SLC15A3: variants seen among roughly 807,000 people sequenced by gnomAD.
SLC15A3 encodes solute carrier family 15 member 3.
SLC15A3 carries 39 observed loss-of-function variants against 49.2 expected under a neutral mutation model. That is an observed-to-expected ratio of 0.79 (90% confidence interval 0.61 to 1.04). The LOEUF is 1.04. Ranked by LOEUF, SLC15A3 falls within the 50% of genes least tolerant of loss-of-function variation. The pLI is 0.00. For synonymous variants in SLC15A3, 339 were observed against 367.0 expected (o/e 0.92, Z 0.87); for missense variants, 758 against 794.8 (o/e 0.95, Z 0.56).
Position 60,937,217 on chromosome 11 carries a change from G to T in SLC15A3, c.*2C>A. 6.2e-7 allele frequency: 1 copy of T among 1,613,688 alleles called. No individual in the cohort carries two copies. The highest frequency in any genetic ancestry group is 8.5e-7 in the Non-Finnish European group (1 of 1,179,790). On this transcript the variant is annotated 3_prime_UTR_variant, in exon 8 of 8. Transcript: ENST00000227880. ...AAGCAAGGGGGCTGGAATAGGGCCT[G>T]TTCAGCCCCTGTCCCTGCTGAAACG...
In SLC15A3 at chr11:60,941,228, C is replaced by T; in HGVS notation, c.1170G>A (p.Lys390=). The T allele has an allele frequency of 6.2e-7, 1 of 1,614,142 alleles. No individual in the cohort carries two copies. The highest frequency in any genetic ancestry group is 1.1e-5 in the South Asian group (1 of 91,054). Residue 390 remains lysine, a synonymous_variant, in exon 5 of 8, where the codon AAG becomes AAA. Transcript: ENST00000227880. ...GCAGTAAAGGGTCGATCAAGCGGTCCTTCAGAGGGACCAGAATCAGCACCA... is the reference window on the plus strand; with the variant it reads ...GCAGTAAAGGGTCGATCAAGCGGTCTTTCAGAGGGACCAGAATCAGCACCA... The part of the protein sequence containing the change: ...VVVVLILVPL[K]DRLIDPLLLR...
chr11:60,951,158 C>A lies in SLC15A3; in HGVS notation c.394G>T (p.Gly132Ter). ...CCCAGCGGCGACGCGGGCATCTCTC[C>A]GCAGAAGGAGCTGCGGCCGTCGGGG... ...AFPDGRSSFC[G>*]EMPASPLGPA... The change falls in exon 1 of 8, where the codon GGA (glycine) becomes TGA (stop). Residue 132 changes from glycine to a stop codon, truncating the protein, a stop_gained. Transcript: ENST00000227880. LOFTEE classifies it high-confidence loss of function. 3 of 1,491,970 alleles carry A rather than the reference C, an allele frequency of 2.0e-6. No individual in the cohort carries two copies. The highest frequency in any genetic ancestry group is 2.7e-6 in the Non-Finnish European group (3 of 1,129,632). 92.4% of individuals were successfully genotyped at this position (1,491,970 alleles called of 1,614,324 possible).
chr11:60,951,678 G>T lies in SLC15A3; in HGVS notation c.-127C>A. 1.5e-6 allele frequency: 1 copy of T among 688,402 alleles called. No homozygotes were observed. Among genetic ancestry groups the T allele is most frequent in the Non-Finnish European group, 1.8e-6 (1 of 567,386 alleles). The allele number at this position is 688,402 out of a possible 1,614,324, so 42.6% of individuals were successfully genotyped here. A position where few individuals can be genotyped will look rare whatever the true frequency, so the allele number is the denominator to read the frequency against. ...AACTGGCTGGCCCTCCTTTCTCACC[G>T]CTTTGGCCCACCCTTCCCTCCTGTC... On this transcript the variant is annotated 5_prime_UTR_variant, in exon 1 of 8. Transcript: ENST00000227880.
At chr11:60,945,240 A>G (rs2134934022) in intron 2 of SLC15A3, among the ~76,000 whole-genome samples, 1 of 152,336 alleles carries the variant, frequency 6.6e-6, no homozygotes. Context: ...GTAAGACCAC[A>G]CGAATGGGAA....
At chr11:60,947,546 G>A (rs564224968) in intron 1 of SLC15A3, among the ~76,000 whole-genome samples, 44 of 152,250 alleles carry the variant, frequency 2.9e-4, no homozygotes, top group African/African-American at 1.0e-3. Flanking sequence ...TATTAAAAAT[G>A]TTGTATGCAT....
Position 60,951,255 on chromosome 11 carries a change from G to A in SLC15A3, c.297C>T (p.Gly99=), listed in dbSNP as rs2134946411. 6.6e-7 allele frequency: 1 copy of A among 1,514,880 alleles called. No homozygotes were observed. 93.8% of individuals were successfully genotyped at this position (1,514,880 alleles called of 1,614,324 possible). Residue 99 remains glycine, a synonymous_variant, in exon 1 of 8, where the codon GGC becomes GGT. Coordinates refer to ENST00000227880, the MANE Select transcript of SLC15A3 (RefSeq NM_016582.3). The stretch of plus-strand genomic sequence containing the variant: ...GGCTGAGCGCGACCGCGCGGTAGCG[G>A]CCCAGGTACACGTCGGCCAGCCAGC... ...VGGWLADVYL[G]RYRAVALSLL...
Position 60,941,191 on chromosome 11 carries a change from G to T in SLC15A3, c.1207C>A (p.Leu403Met), listed in dbSNP as rs1281896330. Residue 403 changes from leucine (L) to methionine (M), a missense_variant, in exon 5 of 8, where the codon CTG becomes ATG. Leu to Met is a conservative substitution (Grantham distance 15). Coordinates refer to ENST00000227880, the MANE Select transcript of SLC15A3 (RefSeq NM_016582.3). The part of the protein sequence containing the change: ...LIDPLLLRCK[L>M]LPSALQKMAL... ...ATCTTCTGCAGAGCAGAGGGAAGCA[G>T]CTTGCACCGCAGCAGTAAAGGGTCG... The T allele has an allele frequency of 6.2e-7, 1 of 1,614,180 alleles. No individual in the cohort carries two copies. Among genetic ancestry groups the T allele is most frequent in the African/African-American group, 1.3e-5 (1 of 75,070 alleles).
intron 2 of SLC15A3, 51 bp downstream of exon 2, chr11:60,946,481 C>A: frequency 6.6e-7 from 1 of 1,513,626 alleles, no homozygotes; most frequent in Non-Finnish European, 8.8e-7. Flanking sequence ...CGGGAGCGAT[C>A]CAGCGCTTCT....
intron 1 of SLC15A3, among the ~76,000 whole-genome samples, chr11:60,949,893 T>C (rs771274632): frequency 1.9e-4 from 29 of 152,368 alleles, no homozygotes; most frequent in Non-Finnish European, 2.8e-4. Context: ...TATGCAGTCC[T>C]GCCTCCTGCT....
At chr11:60,943,657 G>T in intron 3 of SLC15A3, 32 bp downstream of exon 3, 1 of 1,481,894 alleles carries the variant, frequency 6.7e-7, no homozygotes, top group Non-Finnish European at 9.0e-7. Flanking sequence ...TGGGGAGCCA[G>T]GCCCCCAGAG....
At chr11:60,950,189 G>A (rs901594148) in intron 1 of SLC15A3, among the ~76,000 whole-genome samples, 8 of 152,220 alleles carry the variant, frequency 5.3e-5, no homozygotes, top group African/African-American at 1.9e-4. Flanking sequence ...GCAGAGCTGG[G>A]ATCTGAGCAA....
chr11:60,941,745 A>G, intron 4 of SLC15A3: 2 of 391,320 alleles, frequency 5.1e-6, no homozygotes, highest in Non-Finnish European at 4.7e-6. Context: ...AGAGTTGAAA[A>G]GGGACCTAAG....
At chr11:60,939,673 C>A in intron 5 of SLC15A3, 35 bp from the exon 6 acceptor site, 1 of 1,608,198 alleles carries the variant, frequency 6.2e-7, no homozygotes. Flanking sequence ...ATAGTCAGGC[C>A]CACCCCAGGC....
In SLC15A3 at chr11:60,951,661, G is replaced by A; in HGVS notation, c.-110C>T. ...GGCCCTCTCCCCCACCCAACTGGCT[G>A]GCCCTCCTTTCTCACCGCTTTGGCC... On this transcript the variant is annotated 5_prime_UTR_variant, in exon 1 of 8. Coordinates refer to ENST00000227880, the MANE Select transcript of SLC15A3 (RefSeq NM_016582.3). The A allele has an allele frequency of 1.2e-6, 1 of 869,220 alleles. No homozygotes were observed. The highest frequency in any genetic ancestry group is 1.4e-6 in the Non-Finnish European group (1 of 720,912). The allele number at this position is 869,220 out of a possible 1,614,324, so 53.8% of individuals were successfully genotyped here.
In SLC15A3 at chr11:60,951,180, G is replaced by A; in HGVS notation, c.372C>T (p.Pro124=). The change falls in exon 1 of 8, where the codon CCC becomes CCT. Residue 124 remains proline (P), a synonymous_variant. Transcript: ENST00000227880. ...ASGLLPATAF[P]DGRSSFCGEM... is the part of the protein sequence containing the mutation. ...CTCCGCAGAAGGAGCTGCGGCCGTC[G>A]GGGAAGGCGGTGGCGGGCAGCAGGC... is the stretch of plus-strand genomic sequence containing the variant. 2 of 1,496,032 alleles carry A rather than the reference G, an allele frequency of 1.3e-6. No individual in the cohort carries two copies. The highest frequency in any genetic ancestry group is 1.3e-5 in the South Asian group (1 of 79,658). 92.7% of individuals were successfully genotyped at this position (1,496,032 alleles called of 1,614,324 possible).
rs1270483223 is a variant in SLC15A3 at position 60,939,610 on chromosome 11, G to A, written c.1305C>T (p.Tyr435=). The A allele has an allele frequency of 6.2e-7, 1 of 1,614,206 alleles. No individual in the cohort carries two copies. The highest frequency in any genetic ancestry group is 8.5e-7 in the Non-Finnish European group (1 of 1,180,024). ...AGVLEMERLH[Y]IHHNETVSQQ... ...GGGACACGGTCTCGTTGTGGTGGAT[G>A]TAGTGTAAGCGCTCCATCTCCAGGA... The change falls in exon 6 of 8, where the codon TAC becomes TAT. Residue 435 remains tyrosine, a synonymous_variant. Coordinates refer to ENST00000227880, the MANE Select transcript of SLC15A3 (RefSeq NM_016582.3).
chr11:60,943,535 C>T, intron 3 of SLC15A3, 154 bp downstream of exon 3: 2 of 759,548 alleles, frequency 2.6e-6, no homozygotes, highest in South Asian at 5.8e-5. Context: ...GGCTTTGTGC[C>T]AGGCCCCATG....
At chr11:60,941,751 C>T (rs566908646) in intron 4 of SLC15A3, 9 of 411,486 alleles carry the variant, frequency 2.2e-5, no homozygotes, top group Non-Finnish European at 3.6e-5. Flanking sequence ...GAAAAGGGAC[C>T]TAAGTATGCT....
chr11:60,944,210 C>T (rs1187501954), intron 2 of SLC15A3, among the ~76,000 whole-genome samples: 1 of 152,164 alleles, frequency 6.6e-6, no homozygotes, highest in African/African-American at 2.4e-5. Context: ...CCCACCACCT[C>T]AGCCAACGTT....
Sources: gnomAD v4.1 joint callset for allele counts (sites outside exome capture counted in the v4.1 genomes callset) on GRCh38, gnomAD v4.1.1 for gene constraint, MANE v1.5 for transcripts, NCBI Gene and HGNC (gene_info 2026-07-23, HGNC 2026-07-21) for gene names.